The following FRMD4A variants were observed in gnomAD, a reference collection of about 807,000 sequenced individuals.
FRMD4A encodes the protein FERM domain containing 4A, also known as FERM domain-containing protein 4A.
A neutral mutation model predicts 129.1 loss-of-function variants in FRMD4A; 29 were observed. The observed-to-expected ratio is 0.22, with a 90% CI of 0.17 to 0.31. The LOEUF (loss-of-function observed/expected upper bound fraction) is 0.31, where lower values mean the gene tolerates loss of function less well. Ranked by LOEUF, FRMD4A falls within the 10% of genes least tolerant of loss-of-function variation. The pLI is 1.00. For synonymous variants in FRMD4A, 634 were observed against 571.6 expected, an observed-to-expected ratio of 1.11 and a Z score of -1.56; for missense variants, 1,272 against 1,375.8, an observed-to-expected ratio of 0.92 and a Z score of 1.19.
intron 2 of FRMD4A, among the ~76,000 whole-genome samples, chr10:14,108,858 T>A (rs1837722566): frequency 6.6e-6 from 1 of 152,158 alleles, no homozygotes; most frequent in South Asian, 2.1e-4. Context: ...TGGGGAAAAG[T>A]AGAAAGAGGC....
rs185709272 is a variant in FRMD4A at position 14,035,971 on chromosome 10, G to A, written c.46-177059C>T. 2.2e-4 allele frequency among the ~76,000 whole-genome samples: 33 copies of A among 151,924 alleles called. No individual in the cohort carries two copies. In the East Asian group the frequency reaches 6.0e-3, roughly 28 times the overall value. On this transcript the variant is annotated intron_variant, in intron 2 of 24. Coordinates refer to ENST00000357447, the MANE Select transcript of FRMD4A (RefSeq NM_018027.5). Reference sequence around the variant, plus strand: ...GCAGGAGAATCACTTGAACCTGGGAGGCGGAGGTTGCAGTGAGCCGACATC... The same window carrying A: ...GCAGGAGAATCACTTGAACCTGGGAAGCGGAGGTTGCAGTGAGCCGACATC...
chr10:14,018,291 CAAAAAAA>C (rs556449482), intron 2 of FRMD4A, among the ~76,000 whole-genome samples: 1 of 121,952 alleles, frequency 8.2e-6, no homozygotes, highest in Non-Finnish European at 1.8e-5. Flanking sequence ...ACTAAAAATA[CAAAAAAA>C]AAAAAAAATT....
intron 2 of FRMD4A, among the ~76,000 whole-genome samples, chr10:13,987,313 T>A (rs4748066): frequency 0.34 from 52,184 of 151,856 alleles, 9,652 homozygotes; most frequent in East Asian, 0.72. Flanking sequence ...GAAAATCGAC[T>A]CTTAAGAAAC....
chr10:13,780,753 C>T (rs1016974148), intron 6 of FRMD4A, among the ~76,000 whole-genome samples: 1 of 152,070 alleles, frequency 6.6e-6, no homozygotes, highest in Admixed American at 6.5e-5. Flanking sequence ...TAAAATGGTG[C>T]AGCTGCTATG....
At chr10:14,076,010 T>A (rs1187953367) in intron 2 of FRMD4A, among the ~76,000 whole-genome samples, 1 of 152,192 alleles carries the variant, frequency 6.6e-6, no homozygotes, top group Non-Finnish European at 1.5e-5. Flanking sequence ...GGATGGAACA[T>A]TGACCAGAAG....
intron 2 of FRMD4A, among the ~76,000 whole-genome samples, chr10:13,917,069 G>C (rs376378330): frequency 6.6e-6 from 1 of 152,230 alleles, no homozygotes; most frequent in Middle Eastern, 3.4e-3. Flanking sequence ...CAATATAGCA[G>C]GGATGACATA....
intron 2 of FRMD4A, among the ~76,000 whole-genome samples, chr10:14,009,883 CTT>C (rs772481539): frequency 2.6e-5 from 4 of 152,156 alleles, no homozygotes; most frequent in Non-Finnish European, 5.9e-5. Context: ...GTTTACATCT[CTT>C]TTTTCTCTCT....
At chr10:14,148,258 T>C (rs1392805445) in intron 2 of FRMD4A, among the ~76,000 whole-genome samples, 1 of 152,226 alleles carries the variant, frequency 6.6e-6, no homozygotes, top group Non-Finnish European at 1.5e-5. Context: ...CCCTTTAGTT[T>C]CCAGGTTAAT....
chr10:14,295,387 A>G (rs974155906), intron 2 of FRMD4A, among the ~76,000 whole-genome samples: 5 of 152,230 alleles, frequency 3.3e-5, no homozygotes, highest in African/African-American at 1.2e-4. Flanking sequence ...AAGAGAAAAC[A>G]AAAGCTGATT....
At chr10:13,918,327 C>G (rs1272576194) in intron 2 of FRMD4A, among the ~76,000 whole-genome samples, 1 of 152,144 alleles carries the variant, frequency 6.6e-6, no homozygotes, top group Non-Finnish European at 1.5e-5. Context: ...AAATGACCCC[C>G]ATCTTAGCCC....
In FRMD4A at chr10:13,749,391, A is replaced by G. The variant is rs566859653; in HGVS notation, c.465-1572T>C. Among the ~76,000 whole-genome samples, 15 of 152,284 alleles carry G rather than the reference A, an allele frequency of 9.9e-5. No homozygotes were observed. In the East Asian group the frequency reaches 2.5e-3, roughly 26 times the overall value. ...TTTTTCATTGCTAAAAAGCAATGAA[A>G]CAAGGTATAACTCTGAAGGAAGGAA... On this transcript the variant is annotated intron_variant, in intron 8 of 24. Coordinates refer to ENST00000357447, the MANE Select transcript of FRMD4A (RefSeq NM_018027.5).
intron 2 of FRMD4A, among the ~76,000 whole-genome samples, chr10:13,996,382 G>T (rs1041922562): frequency 2.0e-5 from 3 of 152,322 alleles, no homozygotes; most frequent in Admixed American, 2.0e-4. Context: ...CACTGCCCCT[G>T]CACAGGAACA....
chr10:14,087,201 A>G (rs1389618169), intron 2 of FRMD4A, among the ~76,000 whole-genome samples: 1 of 148,264 alleles, frequency 6.7e-6, no homozygotes, highest in Non-Finnish European at 1.5e-5. Context: ...AATTATATTT[A>G]TACACTTATA....
chr10:14,049,349 G>A lies in FRMD4A; in HGVS notation c.46-190437C>T, dbSNP rs184577738. 7.2e-5 allele frequency among the ~76,000 whole-genome samples: 11 copies of A among 152,262 alleles called. No individual in the cohort carries two copies. The East Asian group carries it at 1.9e-3, about 27-fold the overall frequency. The stretch of plus-strand genomic sequence containing the variant: ...GGCATAGAATTTCGCACTAGGTGGG[G>A]TTTTCCAAACAGGTTGAGAACAGGA... On this transcript the variant is annotated intron_variant, in intron 2 of 24. Coordinates refer to ENST00000357447, the MANE Select transcript of FRMD4A (RefSeq NM_018027.5).
At chr10:13,650,404 A>ATGCATGAGCATGAACTCG (rs2081468234) in intron 24 of FRMD4A, among the ~76,000 whole-genome samples, 1 of 151,996 alleles carries the variant, frequency 6.6e-6, no homozygotes, top group South Asian at 2.1e-4. Flanking sequence ...GTGCACATGT[A>ATGCATGAGCATGAACTCG]TGCATGAGCA....
At chr10:13,993,923 A>G (rs1248943687) in intron 2 of FRMD4A, among the ~76,000 whole-genome samples, 1 of 151,508 alleles carries the variant, frequency 6.6e-6, no homozygotes, top group Non-Finnish European at 1.5e-5. Context: ...CTATTTTAAG[A>G]TTAGTTTTTT....
At chr10:13,991,404 T>C (rs933673662) in intron 2 of FRMD4A, among the ~76,000 whole-genome samples, 2 of 152,142 alleles carry the variant, frequency 1.3e-5, no homozygotes, top group Admixed American at 6.5e-5. Context: ...TTCAGGACAG[T>C]GTGCACCTGC....
chr10:13,691,146 C>T (rs1564620551), intron 15 of FRMD4A, among the ~76,000 whole-genome samples: 1 of 152,200 alleles, frequency 6.6e-6, no homozygotes, highest in African/African-American at 2.4e-5. Flanking sequence ...CACCACCATG[C>T]CTGGCTAAGT....
chr10:14,124,061 C>T (rs1838690039), intron 2 of FRMD4A, among the ~76,000 whole-genome samples: 1 of 152,178 alleles, frequency 6.6e-6, no homozygotes, highest in Admixed American at 6.5e-5. Context: ...AGTAACACTT[C>T]TGGCAACCTG....
Sources: allele counts gnomAD v4.1 joint callset (sites outside exome capture counted in the v4.1 genomes callset), GRCh38; gene constraint gnomAD v4.1.1; transcripts MANE v1.5; gene names NCBI Gene and HGNC (gene_info 2026-07-23, HGNC 2026-07-21).